Variants in PEX5L observed in about 807,000 individuals in gnomAD.
PEX5L encodes PEX5-related protein.
A neutral mutation model predicts 84.0 loss-of-function variants in PEX5L; 30 were observed. That is an observed-to-expected ratio of 0.36 (90% CI 0.27 to 0.48). The LOEUF is 0.48. Ranked by LOEUF, PEX5L falls within the 20% of genes least tolerant of loss-of-function variation. The pLI is 0.99. For synonymous variants in PEX5L, 270 were observed against 283.1 expected, an observed-to-expected ratio of 0.95 and a Z score of 0.46; for missense variants, 533 against 754.6, an observed-to-expected ratio of 0.71 and a Z score of 3.44.
At chr3:179,934,518 G>A (rs896002813) in intron 2 of PEX5L, among the ~76,000 whole-genome samples, 1 of 152,222 alleles carries the variant, frequency 6.6e-6, no homozygotes. Context: ...AGGTCTCTGA[G>A]TCTCAGAGGT....
At chr3:179,964,013 A>G (rs1182661081) in intron 2 of PEX5L, among the ~76,000 whole-genome samples, 1 of 152,078 alleles carries the variant, frequency 6.6e-6, no homozygotes, top group Non-Finnish European at 1.5e-5. Flanking sequence ...TATATGGGTA[A>G]ATTGCATGTC....
At chr3:179,996,001 C>T (rs1183948523) in intron 1 of PEX5L, among the ~76,000 whole-genome samples, 4 of 152,192 alleles carry the variant, frequency 2.6e-5, no homozygotes, top group Admixed American at 2.6e-4. Context: ...GCAACATCCC[C>T]TTTCCAACCC....
At chr3:179,830,346 A>G (rs1319326846) in intron 8 of PEX5L, among the ~76,000 whole-genome samples, 1 of 147,308 alleles carries the variant, frequency 6.8e-6, no homozygotes, top group Non-Finnish European at 1.5e-5. Flanking sequence ...TGTAAAGACA[A>G]AGTCTGGATC....
Position 179,992,047 on chromosome 3 carries a change from C to T in PEX5L, c.22-20382G>A, listed in dbSNP as rs529932990. Among the ~76,000 whole-genome samples, 6 of 152,168 alleles carry T rather than the reference C, an allele frequency of 3.9e-5. No individual in the cohort carries two copies. The East Asian group carries it at 1.2e-3, about 29-fold the overall frequency. On this transcript the variant is annotated intron_variant, in intron 1 of 14. Coordinates refer to ENST00000467460, the MANE Select transcript of PEX5L (RefSeq NM_016559.3). ...CAATACTGATGTTATCTCCTGAGCCCTACTTATGTGTGAGGGTCTGTGAGT... is the reference window on the plus strand; with the variant it reads ...CAATACTGATGTTATCTCCTGAGCCTTACTTATGTGTGAGGGTCTGTGAGT...
chr3:179,869,986 C>A (rs1254743243), intron 7 of PEX5L, among the ~76,000 whole-genome samples: 1 of 152,178 alleles, frequency 6.6e-6, no homozygotes, highest in Non-Finnish European at 1.5e-5. Context: ...AGACTGTAAC[C>A]TACTGTTGTG....
At chr3:179,900,592 G>A in intron 2 of PEX5L, 1 of 1,023,360 alleles carries the variant, frequency 9.8e-7, no homozygotes, top group Admixed American at 2.1e-5. Flanking sequence ...CTGAACTCTA[G>A]AACAAAGCAG....
chr3:180,000,651 CA>C (rs1167537974), intron 1 of PEX5L, among the ~76,000 whole-genome samples: 2 of 152,176 alleles, frequency 1.3e-5, no homozygotes, highest in Admixed American at 6.5e-5. Context: ...TTGTTAAAAA[CA>C]TGTTTGTGCA....
chr3:179,823,404 T>C (rs1240544528), intron 8 of PEX5L, among the ~76,000 whole-genome samples: 1 of 152,168 alleles, frequency 6.6e-6, no homozygotes, highest in Non-Finnish European at 1.5e-5. Flanking sequence ...TGCTAAGTAG[T>C]ATAATCACAA....
intron 7 of PEX5L, 57 bp from the exon 8 acceptor site, chr3:179,859,214 A>C: frequency 7.9e-7 from 1 of 1,271,550 alleles, no homozygotes; most frequent in South Asian, 1.2e-5. Flanking sequence ...TATTATAGAA[A>C]TATACAGGTG....
At chr3:179,890,316 T>C (rs867559364) in intron 3 of PEX5L, among the ~76,000 whole-genome samples, 4 of 152,218 alleles carry the variant, frequency 2.6e-5, no homozygotes, top group Non-Finnish European at 4.4e-5. Flanking sequence ...CCTATACGCA[T>C]AGAAATTATT....
chr3:180,032,472 T>C (rs902128184), intron 1 of PEX5L, among the ~76,000 whole-genome samples: 15 of 152,204 alleles, frequency 9.9e-5, no homozygotes, highest in Non-Finnish European at 2.1e-4. Flanking sequence ...TGTGTATGTG[T>C]GTGCGTGCAG....
chr3:179,961,750 G>T (rs762541168), intron 2 of PEX5L, among the ~76,000 whole-genome samples: 1 of 152,138 alleles, frequency 6.6e-6, no homozygotes, highest in African/African-American at 2.4e-5. Context: ...ACTCACAACT[G>T]GTTTTCAAAG....
chr3:179,994,532 C>T (rs1787678554), intron 1 of PEX5L, among the ~76,000 whole-genome samples: 1 of 152,190 alleles, frequency 6.6e-6, no homozygotes, highest in Non-Finnish European at 1.5e-5. Flanking sequence ...TTAGGGCACA[C>T]TTGACACCCC....
intron 1 of PEX5L, among the ~76,000 whole-genome samples, chr3:179,979,897 C>T (rs1484111054): frequency 6.6e-6 from 1 of 152,156 alleles, no homozygotes; most frequent in African/African-American, 2.4e-5. Flanking sequence ...CCAGCGACTC[C>T]TCTTCCTTCT....
chr3:179,948,814 C>T (rs1192403227), intron 2 of PEX5L, among the ~76,000 whole-genome samples: 1 of 152,178 alleles, frequency 6.6e-6, no homozygotes, highest in African/African-American at 2.4e-5. Flanking sequence ...GCTTCTAAAG[C>T]TATTAATGTT....
Position 180,005,728 on chromosome 3 carries a change from C to CAA in PEX5L, c.21+30849_21+30850dup, listed in dbSNP as rs10691437. On this transcript the variant is annotated intron_variant, in intron 1 of 14. Coordinates refer to ENST00000467460, the MANE Select transcript of PEX5L (RefSeq NM_016559.3). ...TGGGCGACAGAGCGAGACTCTGTCT[C>CAA]AAAAAAAAAAAAATTATTTTTGTAG... Among the ~76,000 whole-genome samples the CAA allele has an allele frequency of 3.4e-3, 495 of 144,656 alleles. 3 individuals carry two copies. Among genetic ancestry groups the CAA allele is most frequent in the African/African-American group, 0.011 (450 of 40,006 alleles). The allele number at this position is 144,656 out of a possible 152,430, so 94.9% of individuals were successfully genotyped here.
At chr3:179,904,442 G>T (rs1332654885) in intron 2 of PEX5L, among the ~76,000 whole-genome samples, 3 of 152,082 alleles carry the variant, frequency 2.0e-5, no homozygotes, top group African/African-American at 7.2e-5. Flanking sequence ...AATCTCTACG[G>T]TCTTTGATTC....
At chr3:179,963,912 A>G (rs554673955) in intron 2 of PEX5L, among the ~76,000 whole-genome samples, 17 of 152,248 alleles carry the variant, frequency 1.1e-4, no homozygotes, top group African/African-American at 3.9e-4. Context: ...TTTATTGTTT[A>G]AAATAATTAT....
At chr3:179,963,886 T>A (rs1782695660) in intron 2 of PEX5L, among the ~76,000 whole-genome samples, 1 of 152,108 alleles carries the variant, frequency 6.6e-6, no homozygotes, top group Non-Finnish European at 1.5e-5. Context: ...TTTGCATCCA[T>A]GACCCCAGAC....
Sources: gnomAD v4.1 joint callset for allele counts (sites outside exome capture counted in the v4.1 genomes callset) on GRCh38, gnomAD v4.1.1 for gene constraint, MANE v1.5 for transcripts, NCBI Gene and HGNC (gene_info 2026-07-23, HGNC 2026-07-21) for gene names.